The following PNLIPRP1 variants were observed in gnomAD, a reference collection of about 807,000 sequenced individuals.
The protein encoded by PNLIPRP1 is pancreatic lipase related protein 1, also known as inactive pancreatic lipase-related protein 1.
Under a neutral mutation model 54.6 loss-of-function variants are expected in PNLIPRP1, and 57 were observed. That is an observed-to-expected ratio of 1.04 (90% CI 0.84 to 1.30). PNLIPRP1 has a LOEUF of 1.30. Ranked by LOEUF, PNLIPRP1 falls within the 50% of genes most tolerant of loss-of-function variation. The pLI is 0.00. For missense variants in PNLIPRP1, 567 were observed against 568.5 expected (o/e 1.00, Z 0.03); for synonymous variants, 232 against 208.8 (o/e 1.11, Z -0.96).
At chr10:116,602,812 T>C (rs11197749) in intron 10 of PNLIPRP1, among the ~76,000 whole-genome samples, 30,401 of 152,176 alleles carry the variant, frequency 0.2, 3,120 homozygotes, top group Non-Finnish European at 0.21. Flanking sequence ...TGTATATGAG[T>C]CTGTATGTTT....
chr10:116,598,010 C>T, intron 7 of PNLIPRP1, 37 bp from the exon 8 acceptor site: 1 of 1,613,882 alleles, frequency 6.2e-7, no homozygotes, highest in Middle Eastern at 1.7e-4. Context: ...GAAAGTCCTG[C>T]ATGACAAAAA....
At chr10:116,602,350 T>C (rs1196994717) in intron 10 of PNLIPRP1, among the ~76,000 whole-genome samples, 1 of 152,200 alleles carries the variant, frequency 6.6e-6, no homozygotes, top group Non-Finnish European at 1.5e-5. Context: ...AAGAAGACAT[T>C]GATTAATCAA....
intron 11 of PNLIPRP1, 46 bp from the exon 12 acceptor site, chr10:116,605,340 G>T (rs782428466): frequency 1.7e-6 from 2 of 1,200,138 alleles, no homozygotes; most frequent in South Asian, 1.6e-5. Flanking sequence ...ATGGTAATTA[G>T]AACTCATTTC....
At chr10:116,603,609 T>C (rs1439039107) in intron 10 of PNLIPRP1, among the ~76,000 whole-genome samples, 1 of 152,156 alleles carries the variant, frequency 6.6e-6, no homozygotes, top group Non-Finnish European at 1.5e-5. Context: ...TTCTTATACT[T>C]TGGCTGGGTG....
At chr10:116,602,150 G>A (rs1847856243) in intron 10 of PNLIPRP1, among the ~76,000 whole-genome samples, 1 of 151,986 alleles carries the variant, frequency 6.6e-6, no homozygotes, top group Non-Finnish European at 1.5e-5. Flanking sequence ...CGAGTAGCTG[G>A]GACTACAGGC....
At chr10:116,591,745 T>C (rs1554863174) in intron 2 of PNLIPRP1, 26 bp from the exon 3 acceptor site, 2 of 1,613,088 alleles carry the variant, frequency 1.2e-6, no homozygotes, top group South Asian at 1.1e-5. Context: ...AGCAAATCCT[T>C]GAGCAGATTC....
At chr10:116,604,337 A>G (rs1847899864) in intron 11 of PNLIPRP1, among the ~76,000 whole-genome samples, 199 bp downstream of exon 11, 1 of 152,168 alleles carries the variant, frequency 6.6e-6, no homozygotes, top group South Asian at 2.1e-4. Context: ...TTTTTACTGT[A>G]CTTTTTCTAT....
chr10:116,592,376 TG>T, intron 3 of PNLIPRP1, 39 bp from the exon 4 acceptor site: 1 of 1,556,080 alleles, frequency 6.4e-7, no homozygotes, highest in Non-Finnish European at 8.7e-7. Context: ...CCTGTGAGGC[TG>T]GGCTGCGAAA....
At chr10:116,608,369 G>C (rs1267192448) in intron 12 of PNLIPRP1, among the ~76,000 whole-genome samples, 1 of 152,154 alleles carries the variant, frequency 6.6e-6, no homozygotes, top group Non-Finnish European at 1.5e-5. Flanking sequence ...TCAAATGTGG[G>C]AGGGAAAGGT....
intron 3 of PNLIPRP1, chr10:116,592,213 C>T: frequency 1.5e-6 from 1 of 666,440 alleles, no homozygotes; most frequent in Non-Finnish European, 2.5e-6. Flanking sequence ...AACCTCAAAC[C>T]ACAATCCAGG....
Position 116,591,769 on chromosome 10 carries a change from A to T in PNLIPRP1, c.50-2A>T. 6.2e-7 allele frequency: 1 copy of T among 1,614,068 alleles called. No homozygotes were observed. The highest frequency in any genetic ancestry group is 8.5e-7 in the Non-Finnish European group (1 of 1,179,990). On this transcript the variant is annotated splice_acceptor_variant, in intron 2 of 12. Transcript: ENST00000358834. LOFTEE classifies it high-confidence loss of function. ...TTGAGCAGATTCAACCTTTCTCTGT[A>T]GGAAAAGAAGTTTGCTATGAGGACC...
In PNLIPRP1 at chr10:116,591,023, C is replaced by T. The variant is rs143444313; in HGVS notation, c.-1+28C>T. On this transcript the variant is annotated intron_variant, in intron 1 of 12. Coordinates refer to ENST00000358834, the MANE Select transcript of PNLIPRP1 (RefSeq NM_006229.4). ...AAGCCACCTTTGCAACTCCTTTCCCCCTGCTGTGACGTACAGGTGAGGTAA... is the reference window on the plus strand; with the variant it reads ...AAGCCACCTTTGCAACTCCTTTCCCTCTGCTGTGACGTACAGGTGAGGTAA... 858 of 799,344 alleles carry T rather than the reference C, an allele frequency of 1.1e-3. 2 individuals are homozygous for T. The African/African-American group carries it at 0.013, about 12-fold the overall frequency. The allele number at this position is 799,344 out of a possible 1,614,324, so 49.5% of individuals were successfully genotyped here.
intron 11 of PNLIPRP1, 120 bp from the exon 12 acceptor site, chr10:116,605,266 T>C: frequency 1.7e-6 from 1 of 571,828 alleles, no homozygotes; most frequent in Non-Finnish European, 3.0e-6. Context: ...CATCCTTTAT[T>C]TGGAAATTAA....
chr10:116,591,018 T>G (rs1847625515), intron 1 of PNLIPRP1, 23 bp downstream of exon 1: 2 of 768,986 alleles, frequency 2.6e-6, no homozygotes, highest in Non-Finnish European at 4.4e-6. Context: ...TGCAACTCCT[T>G]TCCCCCTGCT....
chr10:116,599,115 C>T (rs1847786045), intron 8 of PNLIPRP1, among the ~76,000 whole-genome samples: 1 of 151,770 alleles, frequency 6.6e-6, no homozygotes, highest in Admixed American at 6.6e-5. Flanking sequence ...AGTAGCCAGT[C>T]GTGGTGGTGC....
chr10:116,598,073 C>A lies in PNLIPRP1; in HGVS notation c.721C>A (p.His241Asn). 1 of 1,614,082 alleles carries A rather than the reference C, an allele frequency of 6.2e-7. No homozygotes were observed. Among genetic ancestry groups the A allele is most frequent in the South Asian group, 1.1e-5 (1 of 91,056 alleles). ...LGFGTNQQMG[H>N]LDFFPNGGES... is the part of the protein sequence containing the mutation. ...TTTTGGAACGAACCAACAGATGGGT[C>A]ATCTTGACTTCTTCCCCAATGGAGG... Residue 241 changes from histidine (H) to asparagine (N), a missense_variant, in exon 8 of 13, where the codon CAT becomes AAT. By Grantham distance (68) the His-to-Asn change is moderately conservative. Coordinates refer to ENST00000358834, the MANE Select transcript of PNLIPRP1 (RefSeq NM_006229.4).
rs372162169 is a variant in PNLIPRP1 at position 116,605,451 on chromosome 10, T to C, written c.1238T>C (p.Ile413Thr). Residue 413 changes from isoleucine to threonine, a missense_variant, in exon 12 of 13, where the codon ATT becomes ACT. By Grantham distance (89) the Ile-to-Thr change is moderately conservative. Coordinates refer to ENST00000358834, the MANE Select transcript of PNLIPRP1 (RefSeq NM_006229.4). ...GATGCAAAGCTGGATGTTGGAACAATTGAGAAAGTCAAGTTTCTTTGGAAT... is the reference window on the plus strand; with the variant it reads ...GATGCAAAGCTGGATGTTGGAACAACTGAGAAAGTCAAGTTTCTTTGGAAT... ...EFDAKLDVGT[I>T]EKVKFLWNNN... 24 of 1,612,060 alleles carry C rather than the reference T, an allele frequency of 1.5e-5. 1 individual carries two copies. In the Admixed American group the frequency reaches 1.5e-4, roughly 10 times the overall value.
intron 6 of PNLIPRP1, 73 bp downstream of exon 6, chr10:116,596,395 G>A: frequency 1.2e-6 from 1 of 857,600 alleles, no homozygotes; most frequent in Non-Finnish European, 1.9e-6. Flanking sequence ...ATGCAGCCCA[G>A]TTCAGAGCTC....
rs111591175 is a variant in PNLIPRP1 at position 116,608,957 on chromosome 10, A to AAAACC, written c.1341-72_1341-68dup. ...GTGACCTGGGCTTAACCCCTTAAGA[A>AAAACC]AAACCAAACCAAACCAAACCAAACC... On this transcript the variant is annotated intron_variant, in intron 12 of 12. Transcript: ENST00000358834. 4.5e-4 allele frequency: 439 copies of AAAACC among 965,990 alleles called. 4 individuals are homozygous for AAAACC. The African/African-American group carries it at 5.0e-3, about 11-fold the overall frequency. The allele number at this position is 965,990 out of a possible 1,614,324, so 59.8% of individuals were successfully genotyped here.
Sources: gnomAD v4.1 joint callset for allele counts (sites outside exome capture counted in the v4.1 genomes callset) on GRCh38, gnomAD v4.1.1 for gene constraint, MANE v1.5 for transcripts, NCBI Gene and HGNC (gene_info 2026-07-23, HGNC 2026-07-21) for gene names.